ZNF155: variants seen among roughly 807,000 people sequenced by gnomAD.
The protein encoded by ZNF155 is zinc finger protein 155.
Under a neutral mutation model 11.9 loss-of-function variants are expected in ZNF155, and 15 were observed. That is an observed-to-expected ratio of 1.26 (90% CI 0.84 to 1.94). The LOEUF (loss-of-function observed/expected upper bound fraction) is 1.94, where lower values mean the gene tolerates loss of function less well. ZNF155 is among the 30% of genes most tolerant of loss of function. The pLI is 0.00. For synonymous variants in ZNF155, 212 were observed against 219.9 expected (o/e 0.96, Z 0.32); for missense variants, 602 against 639.1 (o/e 0.94, Z 0.63).
chr19:43,985,065 T>C (rs1374298336), intron 1 of ZNF155, among the ~76,000 whole-genome samples: 2 of 152,180 alleles, frequency 1.3e-5, no homozygotes, highest in Non-Finnish European at 2.9e-5. Flanking sequence ...GTTTTTATTA[T>C]TGTTATTATT....
intron 4 of ZNF155, among the ~76,000 whole-genome samples, chr19:43,993,409 T>A (rs561980560): frequency 1.3e-5 from 2 of 152,262 alleles, no homozygotes; most frequent in African/African-American, 4.8e-5. Context: ...CCTTAAAGAT[T>A]TCTTATTAAT....
At position 43,992,481 on chromosome 19, in the gene ZNF155, G is replaced by A. The variant is rs540055154; in HGVS notation, c.235+547G>A. Among the ~76,000 whole-genome samples the A allele has an allele frequency of 5.9e-5, 9 of 152,356 alleles. No homozygotes were observed. In the South Asian group the frequency reaches 1.7e-3, roughly 28 times the overall value. Reference sequence around the variant, plus strand: ...CCTAGGGCTTTGTTTCTGCCTGAATGTTCTTGGAGGGAAAACTTCACTTTG... The same window carrying A: ...CCTAGGGCTTTGTTTCTGCCTGAATATTCTTGGAGGGAAAACTTCACTTTG... On this transcript the variant is annotated intron_variant, in intron 4 of 4. Coordinates refer to ENST00000270014, the MANE Select transcript of ZNF155 (RefSeq NM_198089.3).
chr19:43,993,934 C>A (rs1330690744), intron 4 of ZNF155, among the ~76,000 whole-genome samples: 2 of 152,132 alleles, frequency 1.3e-5, no homozygotes, highest in East Asian at 3.9e-4. Flanking sequence ...TTCAATATAA[C>A]CCGGACAAAC....
At chr19:43,986,607 G>C (rs1200721618) in intron 1 of ZNF155, among the ~76,000 whole-genome samples, 1 of 151,856 alleles carries the variant, frequency 6.6e-6, no homozygotes, top group East Asian at 1.9e-4. Context: ...CGGCCACCAT[G>C]CCCGGCTATT....
chr19:43,989,977 G>T, intron 2 of ZNF155: 6 of 1,265,226 alleles, frequency 4.7e-6, no homozygotes, highest in Non-Finnish European at 4.2e-6. Context: ...GTTTTCATTT[G>T]TAATCAAATA....
chr19:43,994,528 A>G (rs958507914), intron 4 of ZNF155, among the ~76,000 whole-genome samples: 2 of 152,230 alleles, frequency 1.3e-5, no homozygotes, highest in African/African-American at 4.8e-5. Context: ...TTTGCATTCA[A>G]TAATTTTCTA....
intron 1 of ZNF155, among the ~76,000 whole-genome samples, chr19:43,988,129 T>G (rs558034135): frequency 6.6e-6 from 1 of 152,248 alleles, no homozygotes; most frequent in African/African-American, 2.4e-5. Flanking sequence ...TCTTAAAAAA[T>G]AAAAACTCAT....
rs188785782 is a variant in ZNF155 at position 43,986,168 on chromosome 19, T to A, written c.-86+1923T>A. 2.0e-5 allele frequency among the ~76,000 whole-genome samples: 3 copies of A among 152,320 alleles called. No individual in the cohort carries two copies. In the East Asian group the frequency reaches 5.8e-4, roughly 29 times the overall value. ...GTGGAGCATTTTAAAATTAGATTAA[T>A]AGGAGGAGAAAACATGTTTTAAATT... On this transcript the variant is annotated intron_variant, in intron 1 of 4. Coordinates refer to ENST00000270014, the MANE Select transcript of ZNF155 (RefSeq NM_198089.3).
chr19:43,996,139 A>T lies in ZNF155; in HGVS notation c.282A>T (p.Ala94=), dbSNP rs1474384665. ...TGGAGTCTGTTCCAGAAGCAGGAGC[A>T]CATGAAGAGTGGTCCTGCCAGCAAA... The part of the protein sequence containing the change: ...TELESVPEAG[A]HEEWSCQQIW... The change falls in exon 5 of 5, where the codon GCA becomes GCT. Residue 94 remains alanine, a synonymous_variant. Coordinates refer to ENST00000270014, the MANE Select transcript of ZNF155 (RefSeq NM_198089.3). The T allele has an allele frequency of 3.1e-6, 5 of 1,613,208 alleles. No homozygotes were observed. In the South Asian group the frequency reaches 5.5e-5, roughly 18 times the overall value.
intron 1 of ZNF155, among the ~76,000 whole-genome samples, chr19:43,988,193 A>G (rs1975527061): frequency 6.6e-6 from 1 of 152,098 alleles, no homozygotes; most frequent in Non-Finnish European, 1.5e-5. Context: ...ATATACCATT[A>G]TCTATTCTGG....
intron 4 of ZNF155, among the ~76,000 whole-genome samples, chr19:43,993,771 C>T (rs993724226): frequency 6.6e-6 from 1 of 152,128 alleles, no homozygotes; most frequent in Admixed American, 6.5e-5. Flanking sequence ...CACTGTATAC[C>T]AATAGGTACA....
In ZNF155 at chr19:43,984,750, G is replaced by A. The variant is rs1003547470; in HGVS notation, c.-86+505G>A. Among the ~76,000 whole-genome samples, 7 of 152,306 alleles carry A rather than the reference G, an allele frequency of 4.6e-5. No homozygotes were observed. The East Asian group carries it at 1.4e-3, about 29-fold the overall frequency. The stretch of plus-strand genomic sequence containing the variant: ...TTCCCGCGAAGTGGTCAGGTGCCCG[G>A]GTGGGGTCAGAGCTCCAGCTGCTCC... On this transcript the variant is annotated intron_variant, in intron 1 of 4. Coordinates refer to ENST00000270014, the MANE Select transcript of ZNF155 (RefSeq NM_198089.3).
At chr19:43,992,615 C>T (rs1975705722) in intron 4 of ZNF155, among the ~76,000 whole-genome samples, 1 of 152,242 alleles carries the variant, frequency 6.6e-6, no homozygotes, top group African/African-American at 2.4e-5. Context: ...ATCCCATTCC[C>T]TCTGCCACTC....
intron 4 of ZNF155, among the ~76,000 whole-genome samples, chr19:43,992,933 C>T (rs918213543): frequency 6.6e-6 from 1 of 152,256 alleles, no homozygotes; most frequent in Non-Finnish European, 1.5e-5. Flanking sequence ...TTTATGACCA[C>T]ACTGAGTAAG....
chr19:43,984,213 G>A lies in ZNF155; in HGVS notation c.-118G>A, dbSNP rs1316679777. 2 of 152,102 alleles carry A rather than the reference G, an allele frequency of 1.3e-5. No individual in the cohort carries two copies. Among genetic ancestry groups the A allele is most frequent in the African/African-American group, 4.8e-5 (2 of 41,438 alleles). The allele number at this position is 152,102 out of a possible 1,614,324, so 9.4% of individuals were successfully genotyped here. A position where few individuals can be genotyped will look rare whatever the true frequency, so the allele number is the denominator to read the frequency against. The stretch of plus-strand genomic sequence containing the variant: ...ATCGACACTTCCGGTCTCCGAGCAG[G>A]ACACTGCTACTTAACAAGGTGGTTT... On this transcript the variant is annotated 5_prime_UTR_variant, in exon 1 of 5. Coordinates refer to ENST00000270014, the MANE Select transcript of ZNF155 (RefSeq NM_198089.3).
chr19:43,994,357 T>G (rs1975762274), intron 4 of ZNF155, among the ~76,000 whole-genome samples: 1 of 152,234 alleles, frequency 6.6e-6, no homozygotes, highest in Non-Finnish European at 1.5e-5. Context: ...TGCAAAATTC[T>G]TGTGCAGGGA....
In ZNF155 at chr19:43,991,846, T is replaced by C. The variant is rs752118914; in HGVS notation, c.147T>C (p.His49=). ...CGTGACCTTACCTATTCACAGGGCATCAACCGTTCCACCAAGATACTTGCC... is the reference window on the plus strand; with the variant it reads ...CGTGACCTTACCTATTCACAGGGCACCAACCGTTCCACCAAGATACTTGCC... The part of the protein sequence containing the change: ...ENFRNLLSVG[H]QPFHQDTCHF... Residue 49 remains histidine, a synonymous_variant, in exon 4 of 5, where the codon CAT becomes CAC. Coordinates refer to ENST00000270014, the MANE Select transcript of ZNF155 (RefSeq NM_198089.3). 4 of 1,613,670 alleles carry C rather than the reference T, an allele frequency of 2.5e-6. No individual in the cohort carries two copies. The highest frequency in any genetic ancestry group is 3.4e-6 in the Non-Finnish European group (4 of 1,179,708).
rs1336602498 is a variant in ZNF155 at position 43,997,960 on chromosome 19, T to C, written c.*486T>C. On this transcript the variant is annotated 3_prime_UTR_variant, in exon 5 of 5. Transcript: ENST00000270014. ...CACAGTGGGCTTCAGTAGGTTCAGGTTGGCACTTTCTTTTGTGGAAAAGGA... is the reference window on the plus strand; with the variant it reads ...CACAGTGGGCTTCAGTAGGTTCAGGCTGGCACTTTCTTTTGTGGAAAAGGA... The C allele has an allele frequency of 6.5e-6, 1 of 154,068 alleles. No homozygotes were observed. The highest frequency in any genetic ancestry group is 1.4e-5 in the Non-Finnish European group (1 of 69,428). The allele number at this position is 154,068 out of a possible 1,614,324, so 9.5% of individuals were successfully genotyped here. A position where few individuals can be genotyped will look rare whatever the true frequency, so the allele number is the denominator to read the frequency against.
intron 1 of ZNF155, among the ~76,000 whole-genome samples, chr19:43,987,373 A>G (rs1007624315): frequency 2.6e-5 from 4 of 152,140 alleles, no homozygotes; most frequent in Non-Finnish European, 2.9e-5. Flanking sequence ...TTTCTTTAAT[A>G]TATGTGGTAT....
Sources: gnomAD v4.1 joint callset for allele counts (sites outside exome capture counted in the v4.1 genomes callset) on GRCh38, gnomAD v4.1.1 for gene constraint, MANE v1.5 for transcripts, NCBI Gene and HGNC (gene_info 2026-07-23, HGNC 2026-07-21) for gene names.